The following CNTN5 variants were observed in gnomAD, a reference collection of about 807,000 sequenced individuals.
CNTN5 encodes the protein contactin-5.
CNTN5 carries 77 observed loss-of-function variants against 129.1 expected under a neutral mutation model. That is an observed-to-expected ratio of 0.60 (90% CI 0.50 to 0.72). The LOEUF (loss-of-function observed/expected upper bound fraction) is 0.72. CNTN5 is among the 30% of genes least tolerant of loss of function. CNTN5 has a pLI of 0.00. For missense variants in CNTN5, 1,478 were observed against 1,328.8 expected, an observed-to-expected ratio of 1.11 and a Z score of -1.75; for synonymous variants, 509 against 465.6, an observed-to-expected ratio of 1.09 and a Z score of -1.20.
chr11:99,338,420 T>C (rs772934341), intron 2 of CNTN5, among the ~76,000 whole-genome samples: 6 of 152,024 alleles, frequency 3.9e-5, no homozygotes, highest in Non-Finnish European at 5.9e-5. Context: ...TCTGACAGGG[T>C]TCCATTAGGG....
At chr11:99,281,215 T>G (rs1863680752) in intron 1 of CNTN5, among the ~76,000 whole-genome samples, 2 of 151,942 alleles carry the variant, frequency 1.3e-5, no homozygotes, top group Non-Finnish European at 2.9e-5. Flanking sequence ...GATCAGAGTT[T>G]TTATTTAATA....
At chr11:99,596,911 G>A (rs1172174943) in intron 3 of CNTN5, among the ~76,000 whole-genome samples, 1 of 152,224 alleles carries the variant, frequency 6.6e-6, no homozygotes, top group African/African-American at 2.4e-5. Flanking sequence ...GAAAAATGAT[G>A]ACCTGTTCTG....
At chr11:99,673,434 T>C (rs1425622223) in intron 3 of CNTN5, among the ~76,000 whole-genome samples, 1 of 152,160 alleles carries the variant, frequency 6.6e-6, no homozygotes, top group African/African-American at 2.4e-5. Flanking sequence ...GTCTGATATA[T>C]GGGCATTTCT....
chr11:99,836,798 G>A lies in CNTN5; in HGVS notation c.278-8054G>A, dbSNP rs193191855. On this transcript the variant is annotated intron_variant, in intron 4 of 24. Transcript: ENST00000524871. ...TTCCTATTTCTCCACATCCTCTCCA[G>A]CACCTGTTGTTTCCTGACTTTTTAA... Among the ~76,000 whole-genome samples the A allele has an allele frequency of 5.5e-3, 836 of 152,260 alleles. 8 individuals carry two copies. Among genetic ancestry groups the A allele is most frequent in the African/African-American group, 0.019 (792 of 41,540 alleles).
chr11:99,253,897 T>TTTTATATATATATATA (rs376157994), intron 1 of CNTN5, among the ~76,000 whole-genome samples: 44 of 139,050 alleles, frequency 3.2e-4, no homozygotes, highest in African/African-American at 1.1e-3. Context: ...AAATATACGT[T>TTTTATATATATATATA]TATATATATA....
intron 6 of CNTN5, among the ~76,000 whole-genome samples, chr11:99,883,384 T>C (rs907187243): frequency 6.6e-6 from 1 of 152,210 alleles, no homozygotes; most frequent in Non-Finnish European, 1.5e-5. Context: ...ATTCGTTATC[T>C]CCTGTCTTTT....
intron 7 of CNTN5, among the ~76,000 whole-genome samples, chr11:99,937,273 T>G (rs1289110136): frequency 6.6e-6 from 1 of 152,210 alleles, no homozygotes; most frequent in Admixed American, 6.6e-5. Context: ...GCTGCAGTTC[T>G]GAGATCTCTC....
intron 13 of CNTN5, among the ~76,000 whole-genome samples, chr11:100,170,739 C>A (rs1322057270): frequency 4.0e-5 from 6 of 151,784 alleles, no homozygotes; most frequent in Non-Finnish European, 8.8e-5. Flanking sequence ...GAAATGGCAT[C>A]TTTTCTTTGC....
At chr11:100,204,273 C>T (rs529094776) in intron 15 of CNTN5, among the ~76,000 whole-genome samples, 1 of 108,440 alleles carries the variant, frequency 9.2e-6, no homozygotes, top group African/African-American at 3.2e-5. Flanking sequence ...TTTAGAGTAG[C>T]TCACCAAGAA....
chr11:99,814,762 C>G (rs971114181), intron 3 of CNTN5, among the ~76,000 whole-genome samples: 1 of 152,070 alleles, frequency 6.6e-6, no homozygotes, highest in Non-Finnish European at 1.5e-5. Flanking sequence ...AGATGCCAAA[C>G]AGAAAGAGAT....
intron 1 of CNTN5, among the ~76,000 whole-genome samples, chr11:99,244,584 G>A (rs1218786698): frequency 1.3e-5 from 2 of 151,798 alleles, no homozygotes; most frequent in African/African-American, 2.4e-5. Context: ...TGTTGACTTC[G>A]AGTTATACTC....
intron 8 of CNTN5, among the ~76,000 whole-genome samples, chr11:99,983,406 G>T (rs183186188): frequency 6.6e-6 from 1 of 151,526 alleles, no homozygotes; most frequent in Admixed American, 6.5e-5. Flanking sequence ...ACTGACAAGA[G>T]AAGTAAAATC....
intron 1 of CNTN5, among the ~76,000 whole-genome samples, chr11:99,234,639 C>A (rs1189383922): frequency 1.3e-5 from 2 of 152,006 alleles, no homozygotes; most frequent in Non-Finnish European, 2.9e-5. Flanking sequence ...TTCATCTCCA[C>A]TACTTATGTG....
In CNTN5 at chr11:100,308,870, C is replaced by A. The variant is rs1168691929; in HGVS notation, c.2730+402C>A. ...TCTCTTACCCTCAGTGCTGAATTAT[C>A]AAATTTTGCTTGGAATTTAATGATC... On this transcript the variant is annotated intron_variant, in intron 21 of 24. Transcript: ENST00000524871. 7 of 983,812 alleles carry A rather than the reference C, an allele frequency of 7.1e-6. No homozygotes were observed. The South Asian group carries it at 1.4e-4, about 20-fold the overall frequency. The allele number at this position is 983,812 out of a possible 1,614,324, so 60.9% of individuals were successfully genotyped here.
At chr11:99,815,086 C>G (rs1244163354) in intron 3 of CNTN5, among the ~76,000 whole-genome samples, 1 of 152,066 alleles carries the variant, frequency 6.6e-6, no homozygotes, top group Non-Finnish European at 1.5e-5. Flanking sequence ...TGCCTTCACA[C>G]CTGGGGATTA....
At chr11:99,800,377 T>C (rs1447534856) in intron 3 of CNTN5, among the ~76,000 whole-genome samples, 2 of 152,176 alleles carry the variant, frequency 1.3e-5, no homozygotes, top group African/African-American at 2.4e-5. Flanking sequence ...ATGTAGTTGA[T>C]GTTGAAGTAT....
intron 3 of CNTN5, among the ~76,000 whole-genome samples, chr11:99,609,666 C>T (rs11220631): frequency 6.6e-6 from 1 of 152,066 alleles, no homozygotes; most frequent in Non-Finnish European, 1.5e-5. Context: ...GGCTCATTCA[C>T]TTAGGAACTT....
rs1939918635 is a variant in CNTN5 at position 100,002,196 on chromosome 11, T to C, written c.980+60T>C. On this transcript the variant is annotated intron_variant, in intron 9 of 24. Coordinates refer to ENST00000524871, the MANE Select transcript of CNTN5 (RefSeq NM_014361.4). ...TTTTATTAAAATGTGACATATCTTA[T>C]TTTTGGATCACTTATTTTGCTAGGT... 2.0e-5 allele frequency: 23 copies of C among 1,126,036 alleles called. 1 individual carries two copies. In the South Asian group the frequency reaches 3.6e-4, roughly 18 times the overall value. 69.8% of individuals were successfully genotyped at this position (1,126,036 alleles called of 1,614,324 possible). A position where few individuals can be genotyped will look rare whatever the true frequency, so the allele number is the denominator to read the frequency against.
intron 1 of CNTN5, among the ~76,000 whole-genome samples, chr11:99,052,313 C>T (rs1864459920): frequency 6.6e-6 from 1 of 151,760 alleles, no homozygotes; most frequent in Non-Finnish European, 1.5e-5. Context: ...CTCCATGTAA[C>T]ATTTCAGCCA....
Sources: gnomAD v4.1 joint callset for allele counts (sites outside exome capture counted in the v4.1 genomes callset) on GRCh38, gnomAD v4.1.1 for gene constraint, MANE v1.5 for transcripts, NCBI Gene and HGNC (gene_info 2026-07-23, HGNC 2026-07-21) for gene names.